The following PPHLN1 variants were observed in gnomAD, a reference collection of about 807,000 sequenced individuals.
The protein encoded by PPHLN1 is periphilin-1.
In PPHLN1, 29 loss-of-function variants were observed where a neutral mutation model predicts 51.3. The ratio of observed to expected loss-of-function variants is 0.57; its 90% CI spans 0.42 to 0.77. PPHLN1 has a LOEUF of 0.77. Among genes scored for constraint, PPHLN1 ranks in the 30% least tolerant of loss-of-function variants. The probability of loss-of-function intolerance (pLI) is 0.00; values close to 1 mark genes in which losing one functional copy is unlikely to be tolerated. For missense variants in PPHLN1, 436 were observed against 438.4 expected (o/e 0.99, Z 0.05); for synonymous variants, 147 against 147.8 (o/e 0.99, Z 0.04).
intron 9 of PPHLN1, 63 bp downstream of exon 9, chr12:42,399,057 T>C (rs1021229321): frequency 2.6e-6 from 4 of 1,568,526 alleles, no homozygotes; most frequent in Non-Finnish European, 2.6e-6. Context: ...CATGTAAACA[T>C]TTATTGAATA....
intron 4 of PPHLN1, among the ~76,000 whole-genome samples, chr12:42,357,544 C>CA (rs2138356281): frequency 6.6e-6 from 1 of 152,148 alleles, no homozygotes; most frequent in East Asian, 1.9e-4. Flanking sequence ...TGTGCTGGGA[C>CA]AAACATTTCA....
At position 42,398,870 on chromosome 12, in the gene PPHLN1, C is replaced by G; in HGVS notation, c.785C>G (p.Pro262Arg). 6.2e-7 allele frequency: 1 copy of G among 1,613,422 alleles called. No homozygotes were observed. The highest frequency in any genetic ancestry group is 8.5e-7 in the Non-Finnish European group (1 of 1,179,696). ...ISEYEAGSTA[P>R]LFTDQPEEPE... Reference sequence around the variant, plus strand: ...CTTTTCAAGGCGGGATCCACAGCACCATTGTTTACTGACCAGCCAGAGGAA... The same window carrying G: ...CTTTTCAAGGCGGGATCCACAGCACGATTGTTTACTGACCAGCCAGAGGAA... The change falls in exon 9 of 10, where the codon CCA (proline) becomes CGA (arginine). Residue 262 changes from proline (P) to arginine (R), a missense_variant. Coordinates refer to ENST00000358314, the MANE Select transcript of PPHLN1 (RefSeq NM_201439.2).
chr12:42,402,047 T>G (rs1181680847), intron 9 of PPHLN1, among the ~76,000 whole-genome samples: 1 of 152,040 alleles, frequency 6.6e-6, no homozygotes, highest in Non-Finnish European at 1.5e-5. Flanking sequence ...TTTGTAGAGA[T>G]GGGATTTCAC....
At position 42,335,878 on chromosome 12, in the gene PPHLN1, T is replaced by C; in HGVS notation, c.-20-5T>C. Reference sequence around the variant, plus strand: ...AAAATCCATAATTCTTTTTTTTTTCTTTAGTGGCTTACAGAAGAGACGAAA... The same window carrying C: ...AAAATCCATAATTCTTTTTTTTTTCCTTAGTGGCTTACAGAAGAGACGAAA... On this transcript the variant is annotated splice_polypyrimidine_tract_variant and splice_region_variant and intron_variant, in intron 1 of 9. Transcript: ENST00000358314. The C allele has an allele frequency of 2.7e-6, 4 of 1,505,976 alleles. No individual in the cohort carries two copies. The highest frequency in any genetic ancestry group is 3.6e-6 in the Non-Finnish European group (4 of 1,120,016). 93.3% of individuals were successfully genotyped at this position (1,505,976 alleles called of 1,614,324 possible).
At chr12:42,371,126 T>G (rs894881197) in intron 4 of PPHLN1, among the ~76,000 whole-genome samples, 10 of 140,876 alleles carry the variant, frequency 7.1e-5, no homozygotes, top group Non-Finnish European at 7.7e-5. Context: ...TTTTTTTTTT[T>G]TTTTTTTTTT....
At position 42,374,915 on chromosome 12, in the gene PPHLN1, A is replaced by G; in HGVS notation, c.352A>G (p.Arg118Gly). ...AAGTTTCTACTCTTCCCATTATGCGAGAGAGCGGTCTCCTTATAAAAGGGA... is the reference window on the plus strand; with the variant it reads ...AAGTTTCTACTCTTCCCATTATGCGGGAGAGCGGTCTCCTTATAAAAGGGA... Reference protein sequence around the residue: ...RKSFYSSHYARERSPYKRDNT... With the variant: ...RKSFYSSHYAGERSPYKRDNT... Residue 118 changes from arginine (R) to glycine (G), a missense_variant, in exon 5 of 10, where the codon AGA (arginine) becomes GGA (glycine). Physicochemically the swap from Arg to Gly is moderately radical, Grantham distance 125 (BLOSUM62 -2). Transcript: ENST00000358314. 5 of 1,613,034 alleles carry G rather than the reference A, an allele frequency of 3.1e-6. No individual in the cohort carries two copies. The highest frequency in any genetic ancestry group is 4.2e-6 in the Non-Finnish European group (5 of 1,179,826).
chr12:42,407,022 G>C (rs2079376734), intron 9 of PPHLN1, among the ~76,000 whole-genome samples: 1 of 152,140 alleles, frequency 6.6e-6, no homozygotes, highest in Non-Finnish European at 1.5e-5. Context: ...AAGTCTGTAT[G>C]AATCTGTTTC....
chr12:42,389,735 G>T (rs776461140), intron 7 of PPHLN1, among the ~76,000 whole-genome samples: 8 of 152,184 alleles, frequency 5.3e-5, no homozygotes, highest in Non-Finnish European at 8.8e-5. Flanking sequence ...AAGCAGGTTG[G>T]ATGGGTTATA....
intron 9 of PPHLN1, among the ~76,000 whole-genome samples, chr12:42,426,228 A>ACACACACACACACACACACACCCCC (rs371819974): frequency 7.7e-6 from 1 of 129,788 alleles, no homozygotes; most frequent in African/African-American, 3.3e-5. Context: ...ACACACACAC[A>ACACACACACACACACACACACCCCC]CCCTCATGCA....
chr12:42,364,316 G>A (rs1291222661), intron 4 of PPHLN1, among the ~76,000 whole-genome samples: 2 of 151,728 alleles, frequency 1.3e-5, no homozygotes, highest in African/African-American at 4.8e-5. Context: ...GTGTCATCAA[G>A]TGGCCAATAT....
chr12:42,446,892 T>G (rs1162131051), downstream of PPHLN1: 1 of 398,738 alleles, frequency 2.5e-6, no homozygotes, highest in African/African-American at 2.0e-5. Context: ...ATAAGTTTGT[T>G]TACTTATGCC....
chr12:42,329,194 C>CG (rs895314054), intron 1 of PPHLN1, among the ~76,000 whole-genome samples: 2 of 151,768 alleles, frequency 1.3e-5, no homozygotes, highest in African/African-American at 4.9e-5. Context: ...CTCCCCCTCC[C>CG]GGGTTCATGC....
chr12:42,413,037 A>G (rs2080019236), intron 9 of PPHLN1, among the ~76,000 whole-genome samples: 1 of 152,158 alleles, frequency 6.6e-6, no homozygotes, highest in Non-Finnish European at 1.5e-5. Context: ...TCAGATGCAT[A>G]GTTTGCAAAT....
At chr12:42,425,081 T>TGTATGTAC (rs2081327174) in intron 9 of PPHLN1, among the ~76,000 whole-genome samples, 1 of 151,314 alleles carries the variant, frequency 6.6e-6, no homozygotes, top group African/African-American at 2.4e-5. Flanking sequence ...TATGTATGTA[T>TGTATGTAC]GTACTTGTTT....
chr12:42,396,383 T>G (rs1053213764), intron 8 of PPHLN1, among the ~76,000 whole-genome samples: 1 of 152,076 alleles, frequency 6.6e-6, no homozygotes, highest in Non-Finnish European at 1.5e-5. Context: ...TGTCAGACAT[T>G]GCTTTTGAGG....
chr12:42,422,357 T>G (rs1182239554), intron 9 of PPHLN1, among the ~76,000 whole-genome samples: 1 of 152,208 alleles, frequency 6.6e-6, no homozygotes, highest in Non-Finnish European at 1.5e-5. Flanking sequence ...CCAGGATGTG[T>G]TTATATGAAA....
intron 9 of PPHLN1, among the ~76,000 whole-genome samples, chr12:42,408,884 A>T (rs1028571352): frequency 3.3e-5 from 5 of 152,236 alleles, no homozygotes; most frequent in African/African-American, 1.2e-4. Flanking sequence ...TGTAAATTAC[A>T]GTAGTTCTCC....
chr12:42,368,655 C>CT (rs1385599999), intron 4 of PPHLN1, among the ~76,000 whole-genome samples: 1 of 152,128 alleles, frequency 6.6e-6, no homozygotes, highest in Admixed American at 6.5e-5. Context: ...ACAGAACCCC[C>CT]TTTTATGTTT....
At chr12:42,371,138 T>G (rs1396346544) in intron 4 of PPHLN1, among the ~76,000 whole-genome samples, 7 of 52,528 alleles carry the variant, frequency 1.3e-4, no homozygotes, top group African/African-American at 3.8e-4. Context: ...TTTTTTTTTT[T>G]GAGACAGAGT....
Sources: gnomAD v4.1 joint callset for allele counts (sites outside exome capture counted in the v4.1 genomes callset) on GRCh38, gnomAD v4.1.1 for gene constraint, MANE v1.5 for transcripts, NCBI Gene and HGNC (gene_info 2026-07-23, HGNC 2026-07-21) for gene names.